CPEB1: variants seen among roughly 807,000 people sequenced by gnomAD.
The protein encoded by CPEB1 is cytoplasmic polyadenylation element-binding protein 1.
A neutral mutation model predicts 65.8 loss-of-function variants in CPEB1; 7 were observed. The ratio of observed to expected loss-of-function variants is 0.11; its 90% CI spans 0.06 to 0.20. The LOEUF is 0.20. Ranked by LOEUF, CPEB1 falls within the 10% of genes least tolerant of loss-of-function variation. The pLI, the probability that CPEB1 is intolerant of heterozygous loss-of-function variation, is 1.00. For missense variants in CPEB1, 551 were observed against 712.2 expected (o/e 0.77, Z 2.58); for synonymous variants, 262 against 260.0 (o/e 1.01, Z -0.08).
Position 82,571,733 on chromosome 15 carries a change from C to A in CPEB1, c.272-201G>T, listed in dbSNP as rs944483022. On this transcript the variant is annotated intron_variant, in intron 3 of 12. Coordinates refer to ENST00000684509, the MANE Select transcript of CPEB1 (RefSeq NM_001365242.1). ...TTGCCATACAGGCCCCCTCCCCTCA[C>A]ACACACACCCCTATCCCGTCTGCAT... is the stretch of plus-strand genomic sequence containing the variant. The A allele has an allele frequency of 9.8e-6, 14 of 1,421,360 alleles. No individual in the cohort carries two copies. The Admixed American group carries it at 4.1e-4, about 41-fold the overall frequency. The allele number at this position is 1,421,360 out of a possible 1,614,324, so 88.0% of individuals were successfully genotyped here.
intron 3 of CPEB1, among the ~76,000 whole-genome samples, chr15:82,589,020 G>A (rs546506430): frequency 3.3e-5 from 5 of 152,106 alleles, no homozygotes; most frequent in East Asian, 1.9e-4. Flanking sequence ...CCCATTCCCC[G>A]CAATCGTCTT....
intron 3 of CPEB1, among the ~76,000 whole-genome samples, chr15:82,599,027 T>G (rs1158891015): frequency 6.6e-6 from 1 of 152,052 alleles, no homozygotes; most frequent in Non-Finnish European, 1.5e-5. Flanking sequence ...AGTTTTAAAA[T>G]AAATAATAAT....
At position 82,627,369 on chromosome 15, in the gene CPEB1, T is replaced by A; in HGVS notation, c.97-2A>T. The A allele has an allele frequency of 6.2e-7, 1 of 1,603,816 alleles. No individual in the cohort carries two copies. Among genetic ancestry groups the A allele is most frequent in the Non-Finnish European group, 8.5e-7 (1 of 1,176,532 alleles). ...TTTTATCCTTCCTGCTTCTTCTTCC[T>A]AGACACAGAAAAAAAAAGATATTTA... is the stretch of plus-strand genomic sequence containing the variant. On this transcript the variant is annotated splice_acceptor_variant, in intron 2 of 12. Coordinates refer to ENST00000684509, the MANE Select transcript of CPEB1 (RefSeq NM_001365242.1). LOFTEE classifies it high-confidence loss of function.
At chr15:82,608,276 T>G (rs182722353) in intron 3 of CPEB1, among the ~76,000 whole-genome samples, 362 of 152,320 alleles carry the variant, frequency 2.4e-3, no homozygotes, top group African/African-American at 8.4e-3. Flanking sequence ...CTGATTTTTT[T>G]TTTTAAACAA....
At chr15:82,553,368 C>T in intron 8 of CPEB1, 99 bp downstream of exon 8, 1 of 854,612 alleles carries the variant, frequency 1.2e-6, no homozygotes. Context: ...ATGTTACCAA[C>T]ATGCAGCTGT....
intron 3 of CPEB1, among the ~76,000 whole-genome samples, chr15:82,608,942 T>C (rs894805377): frequency 9.9e-5 from 15 of 152,280 alleles, no homozygotes; most frequent in African/African-American, 3.4e-4. Context: ...ATATGTTAGT[T>C]AGGCCATGAA....
At position 82,627,286 on chromosome 15, in the gene CPEB1, A is replaced by C. The variant is rs370977022; in HGVS notation, c.178T>G (p.Phe60Val). 1.2e-6 allele frequency: 2 copies of C among 1,613,666 alleles called. No homozygotes were observed. Among genetic ancestry groups the C allele is most frequent in the South Asian group, 1.1e-5 (1 of 91,076 alleles). ...TCCAATATGGCATTTATCCTTCGAA[A>C]GATATTGGCATTACTACACGTGGAG... ...ALSTCSNANI[F>V]RRINAILDNS... The change falls in exon 3 of 13, where the codon TTT becomes GTT. Residue 60 changes from phenylalanine to valine, a missense_variant. Phe to Val is a conservative substitution (Grantham distance 50). This residue lies in a region of CPEB1 where 223 missense variants were observed against 228.6 expected (regional missense o/e 0.98). Transcript: ENST00000684509.
chr15:82,568,941 T>G (rs17158405), intron 4 of CPEB1, among the ~76,000 whole-genome samples: 10,645 of 152,316 alleles, frequency 0.07, 603 homozygotes, highest in African/African-American at 0.15. Flanking sequence ...TGTGATGCCA[T>G]AGCTGCCTTG....
chr15:82,640,744 G>A (rs956174278), intron 1 of CPEB1: 19 of 152,034 alleles, frequency 1.2e-4, no homozygotes, highest in African/African-American at 4.1e-4. Context: ...TAAAACTTGG[G>A]CACACAACAG....
chr15:82,616,827 T>C lies in CPEB1; in HGVS notation c.271+10366A>G, dbSNP rs1277666952. On this transcript the variant is annotated intron_variant, in intron 3 of 12. Transcript: ENST00000684509. ...GCATTTAAATCCTACCATTCAGAGA[T>C]AACTATGTTTACAAAGGTTAACAGC... Among the ~76,000 whole-genome samples the C allele has an allele frequency of 2.0e-5, 3 of 152,214 alleles. No homozygotes were observed. The East Asian group carries it at 5.8e-4, about 29-fold the overall frequency.
At chr15:82,556,506 T>TA in intron 5 of CPEB1, 1 of 172,032 alleles carries the variant, frequency 5.8e-6, no homozygotes, top group Non-Finnish European at 1.2e-5. Context: ...GTCAGATTCC[T>TA]AGAAAGCCGA....
intron 4 of CPEB1, among the ~76,000 whole-genome samples, chr15:82,569,178 G>A (rs537984327): frequency 1.2e-4 from 18 of 152,332 alleles, no homozygotes; most frequent in African/African-American, 3.4e-4. Context: ...GAGGGTGCAC[G>A]ATCTGGCACT....
At chr15:82,648,489 G>A (rs2047755610), upstream of CPEB1, 1 of 152,356 alleles carries the variant, frequency 6.6e-6, no homozygotes, top group African/African-American at 2.4e-5. Context: ...GAGTCAGGAA[G>A]TTCCAGAAAG....
chr15:82,576,896 A>C (rs2040707624), intron 3 of CPEB1, among the ~76,000 whole-genome samples: 1 of 152,084 alleles, frequency 6.6e-6, no homozygotes, highest in South Asian at 2.1e-4. Flanking sequence ...TGGTGGGTGC[A>C]CACTTGTAGT....
At chr15:82,573,059 C>G (rs1193596833) in intron 3 of CPEB1, 8 of 1,535,358 alleles carry the variant, frequency 5.2e-6, no homozygotes, top group Non-Finnish European at 5.2e-6. Context: ...TCCCCTGTTG[C>G]AAGGAGAAGC....
At chr15:82,593,591 A>G (rs1028928482) in intron 3 of CPEB1, among the ~76,000 whole-genome samples, 9 of 152,192 alleles carry the variant, frequency 5.9e-5, no homozygotes, top group African/African-American at 2.2e-4. Context: ...ATTCATGTTA[A>G]TATTTTTACC....
intron 3 of CPEB1, among the ~76,000 whole-genome samples, chr15:82,623,816 CT>C (rs1392918225): frequency 6.6e-6 from 1 of 152,024 alleles, no homozygotes; most frequent in Non-Finnish European, 1.5e-5. Flanking sequence ...TTACACTTCG[CT>C]TTTTTTCATT....
chr15:82,626,512 T>A (rs1376806536), intron 3 of CPEB1, among the ~76,000 whole-genome samples: 1 of 152,222 alleles, frequency 6.6e-6, no homozygotes, highest in East Asian at 1.9e-4. Context: ...AACATTCTTA[T>A]AATGGGTTGC....
chr15:82,573,976 G>C (rs1225356111), intron 3 of CPEB1, among the ~76,000 whole-genome samples: 2 of 152,002 alleles, frequency 1.3e-5, no homozygotes, highest in East Asian at 3.9e-4. Flanking sequence ...TCAAAAGTTT[G>C]AACAGTACTG....
Sources: allele counts gnomAD v4.1 joint callset (sites outside exome capture counted in the v4.1 genomes callset), GRCh38; gene constraint gnomAD v4.1.1; regional missense constraint gnomAD v4.1.1; transcripts MANE v1.5; gene names NCBI Gene and HGNC (gene_info 2026-07-23, HGNC 2026-07-21).